UGGT1: variants seen among roughly 807,000 people sequenced by gnomAD.
UGGT1 encodes the protein UDP-glucose glycoprotein glucosyltransferase 1, also known as UDP-glucose:glycoprotein glucosyltransferase 1.
UGGT1 carries 107 observed loss-of-function variants against 203.9 expected under a neutral mutation model. That is an observed-to-expected ratio of 0.52 (90% CI 0.45 to 0.62). The LOEUF (loss-of-function observed/expected upper bound fraction) is 0.62, where lower values mean the gene tolerates loss of function less well. Among genes scored for constraint, UGGT1 ranks in the 20% least tolerant of loss-of-function variants. The probability of loss-of-function intolerance (pLI) is 0.00; values close to 1 mark genes in which losing one functional copy is unlikely to be tolerated. For missense variants in UGGT1, 1,673 were observed against 1,867.2 expected, an observed-to-expected ratio of 0.90 and a Z score of 1.92; for synonymous variants, 628 against 653.5, an observed-to-expected ratio of 0.96 and a Z score of 0.59.
chr2:128,156,666 C>T (rs1573587789), intron 21 of UGGT1, among the ~76,000 whole-genome samples: 1 of 149,478 alleles, frequency 6.7e-6, no homozygotes, highest in Non-Finnish European at 1.5e-5. Flanking sequence ...CAAGTGATTT[C>T]AAGTGATTCT....
In UGGT1 at chr2:128,195,565, T is replaced by G. The variant is rs1234002679; in HGVS notation, c.*5823T>G. 3 of 152,210 alleles carry G rather than the reference T, an allele frequency of 2.0e-5. No individual in the cohort carries two copies. The highest frequency in any genetic ancestry group is 4.4e-5 in the Non-Finnish European group (3 of 68,032). The allele number at this position is 152,210 out of a possible 1,614,324, so 9.4% of individuals were successfully genotyped here. On this transcript the variant is annotated 3_prime_UTR_variant, in exon 41 of 41. Coordinates refer to ENST00000259253, the MANE Select transcript of UGGT1 (RefSeq NM_020120.4). Reference sequence around the variant, plus strand: ...TCTTGCTTGGGAACAGCATTGGGCTTTTAAATGTCTGCAGAATCTCTGCGT... The same window carrying G: ...TCTTGCTTGGGAACAGCATTGGGCTGTTAAATGTCTGCAGAATCTCTGCGT...
chr2:128,093,994 C>G (rs1034628750), intron 1 of UGGT1, among the ~76,000 whole-genome samples: 1 of 152,146 alleles, frequency 6.6e-6, no homozygotes, highest in African/African-American at 2.4e-5. Context: ...ATGTTTAGCT[C>G]AGAGTCATTG....
At chr2:128,124,699 A>G (rs1040253876) in intron 11 of UGGT1, among the ~76,000 whole-genome samples, 1 of 145,606 alleles carries the variant, frequency 6.9e-6, no homozygotes, top group Non-Finnish European at 1.5e-5. Context: ...AAAAAAAAAA[A>G]CACTTTCTGG....
At chr2:128,104,096 C>A in intron 3 of UGGT1, 82 bp downstream of exon 3, 4 of 1,046,428 alleles carry the variant, frequency 3.8e-6, no homozygotes, top group Admixed American at 2.8e-5. Context: ...GTATGTGTGG[C>A]ATGGCAGTTA....
At position 128,194,202 on chromosome 2, in the gene UGGT1, C is replaced by A. The variant is rs1342473093; in HGVS notation, c.*4460C>A. 1 of 152,210 alleles carries A rather than the reference C, an allele frequency of 6.6e-6. No individual in the cohort carries two copies. 9.4% of individuals were successfully genotyped at this position (152,210 alleles called of 1,614,324 possible). On this transcript the variant is annotated 3_prime_UTR_variant, in exon 41 of 41. Coordinates refer to ENST00000259253, the MANE Select transcript of UGGT1 (RefSeq NM_020120.4). Reference sequence around the variant, plus strand: ...CTGCCTCCTGGGTTCAGGTGATTCTCCTGCCTCAGCCTTCCGAGTAGCTGG... The same window carrying A: ...CTGCCTCCTGGGTTCAGGTGATTCTACTGCCTCAGCCTTCCGAGTAGCTGG...
At chr2:128,183,603 CATT>C in intron 37 of UGGT1, 69 bp from the exon 38 acceptor site, 1 of 1,129,304 alleles carries the variant, frequency 8.9e-7, no homozygotes, top group Non-Finnish European at 1.3e-6. Context: ...TGGCCTGTTC[CATT>C]ATTCATTGGG....
rs1692467902 is a variant in UGGT1 at position 128,195,382 on chromosome 2, T to C, written c.*5640T>C. The C allele has an allele frequency of 6.6e-6, 1 of 152,196 alleles. No homozygotes were observed. The highest frequency in any genetic ancestry group is 2.4e-5 in the African/African-American group (1 of 41,450). 9.4% of individuals were successfully genotyped at this position (152,196 alleles called of 1,614,324 possible). On this transcript the variant is annotated 3_prime_UTR_variant, in exon 41 of 41. Transcript: ENST00000259253. ...CAACAAAAGATTATCAAGTACCATGTTTTCCAACCAACCAGTTATTCGTGG... is the reference window on the plus strand; with the variant it reads ...CAACAAAAGATTATCAAGTACCATGCTTTCCAACCAACCAGTTATTCGTGG...
chr2:128,092,844 A>G (rs994642729), intron 1 of UGGT1, among the ~76,000 whole-genome samples: 4 of 152,046 alleles, frequency 2.6e-5, no homozygotes, highest in Non-Finnish European at 5.9e-5. Context: ...TTGGGCCTAG[A>G]ACTTGTTAAA....
chr2:128,107,810 CA>C, intron 3 of UGGT1, 127 bp from the exon 4 acceptor site: 1 of 1,293,834 alleles, frequency 7.7e-7, no homozygotes, highest in Admixed American at 2.1e-5. Flanking sequence ...GTTGAGAGTT[CA>C]AGACAATATA....
chr2:128,116,533 C>G (rs1446911537), intron 8 of UGGT1, among the ~76,000 whole-genome samples, 190 bp downstream of exon 8: 1 of 148,732 alleles, frequency 6.7e-6, no homozygotes, highest in Non-Finnish European at 1.5e-5. Flanking sequence ...TCACATTATT[C>G]TTTTTTTTTT....
At chr2:128,121,110 A>G in intron 9 of UGGT1, 89 bp from the exon 10 acceptor site, 12 of 1,238,488 alleles carry the variant, frequency 9.7e-6, no homozygotes, top group Non-Finnish European at 1.3e-5. Context: ...AATTACCATG[A>G]AAAGAGTGGG....
At chr2:128,177,619 G>A (rs528610949) in intron 32 of UGGT1, among the ~76,000 whole-genome samples, 13 of 152,178 alleles carry the variant, frequency 8.5e-5, no homozygotes, top group Non-Finnish European at 1.8e-4. Flanking sequence ...ATTAAAAGAG[G>A]TTGCTGTCTC....
intron 36 of UGGT1, among the ~76,000 whole-genome samples, chr2:128,181,470 C>T (rs1441650230): frequency 3.3e-5 from 5 of 152,174 alleles, no homozygotes; most frequent in South Asian, 2.1e-4. Flanking sequence ...AGGGAACCTC[C>T]GGATATTCTT....
chr2:128,156,533 G>A, intron 21 of UGGT1, 118 bp downstream of exon 21: 2 of 742,074 alleles, frequency 2.7e-6, no homozygotes, highest in Non-Finnish European at 4.4e-6. Context: ...GTGGGTAACA[G>A]GAAGCTATAT....
At position 128,170,378 on chromosome 2, in the gene UGGT1, T is replaced by C; in HGVS notation, c.3012T>C (p.Ala1004=). Residue 1004 remains alanine, a synonymous_variant, in exon 27 of 41, where the codon GCT becomes GCC. Transcript: ENST00000259253. ...DPVTREAQRL[A]PLLLVLAQLI... ...TCACCAGAGAAGCACAGAGACTTGCTCCTTTGCTCTTGGTAGGAACGCTGT... is the reference window on the plus strand; with the variant it reads ...TCACCAGAGAAGCACAGAGACTTGCCCCTTTGCTCTTGGTAGGAACGCTGT... 1 of 1,614,004 alleles carries C rather than the reference T, an allele frequency of 6.2e-7. No homozygotes were observed. The highest frequency in any genetic ancestry group is 1.1e-5 in the South Asian group (1 of 91,082).
intron 26 of UGGT1, among the ~76,000 whole-genome samples, chr2:128,168,586 G>GTAT (rs1690913771): frequency 6.6e-6 from 1 of 152,178 alleles, no homozygotes; most frequent in African/African-American, 2.4e-5. Context: ...AGCAAACAAA[G>GTAT]TATAATGGTT....
At position 128,128,558 on chromosome 2, in the gene UGGT1, C is replaced by T. The variant is rs544295495; in HGVS notation, c.1227-471C>T. 7.9e-5 allele frequency among the ~76,000 whole-genome samples: 12 copies of T among 152,170 alleles called. No individual in the cohort carries two copies. In the South Asian group the frequency reaches 1.0e-3, roughly 13 times the overall value. On this transcript the variant is annotated intron_variant, in intron 12 of 40. Coordinates refer to ENST00000259253, the MANE Select transcript of UGGT1 (RefSeq NM_020120.4). ...CGAACTACTGACCTTGTGATCCGCC[C>T]GCCTTGGCCTCCCAAAGTGCTGGGA...
intron 19 of UGGT1, among the ~76,000 whole-genome samples, chr2:128,153,906 A>G (rs1690100888): frequency 6.6e-6 from 1 of 152,222 alleles, no homozygotes; most frequent in African/African-American, 2.4e-5. Flanking sequence ...GGGGAAGGAA[A>G]GATGTGTGTA....
chr2:128,110,573 G>T (rs987277136), intron 5 of UGGT1, among the ~76,000 whole-genome samples: 37 of 152,124 alleles, frequency 2.4e-4, no homozygotes, highest in Admixed American at 2.4e-3. Context: ...AAAATTGATG[G>T]CTTTGTAATT....
Sources: allele counts gnomAD v4.1 joint callset (sites outside exome capture counted in the v4.1 genomes callset), GRCh38; gene constraint gnomAD v4.1.1; transcripts MANE v1.5; gene names NCBI Gene and HGNC (gene_info 2026-07-23, HGNC 2026-07-21).